The following CNGA1 variants were observed in gnomAD, a reference collection of about 807,000 sequenced individuals.
The protein encoded by CNGA1 is cyclic nucleotide gated channel subunit alpha 1.
CNGA1 carries 53 observed loss-of-function variants against 69.7 expected under a neutral mutation model. That is an observed-to-expected ratio of 0.76 (90% confidence interval 0.61 to 0.96). The LOEUF is 0.96. Among genes scored for constraint, CNGA1 ranks in the 40% least tolerant of loss-of-function variants. The pLI is 0.00. For missense variants in CNGA1, 739 were observed against 811.2 expected, an observed-to-expected ratio of 0.91 and a Z score of 1.08; for synonymous variants, 249 against 283.5, an observed-to-expected ratio of 0.88 and a Z score of 1.22.
chr4:48,016,518 T>A lies in CNGA1; in HGVS notation c.-258A>T, dbSNP rs1715390230. ...TCCACGCTCCGAGAGACGCTGTTGCTCTATGAGGCGTGTCTGTGTTTCTCT... is the reference window on the plus strand; with the variant it reads ...TCCACGCTCCGAGAGACGCTGTTGCACTATGAGGCGTGTCTGTGTTTCTCT... On this transcript the variant is annotated 5_prime_UTR_variant, in exon 1 of 11. Coordinates refer to ENST00000514170, the MANE Select transcript of CNGA1 (RefSeq NM_001379270.1). 2.4e-6 allele frequency: 1 copy of A among 415,760 alleles called. No individual in the cohort carries two copies. The highest frequency in any genetic ancestry group is 4.3e-6 in the Non-Finnish European group (1 of 234,328). The allele number at this position is 415,760 out of a possible 1,614,324, so 25.8% of individuals were successfully genotyped here. A position where few individuals can be genotyped will look rare whatever the true frequency, so the allele number is the denominator to read the frequency against.
Position 47,980,501 on chromosome 4 carries a change from G to T in CNGA1, c.-15+892C>A, listed in dbSNP as rs549210496. On this transcript the variant is annotated intron_variant, in intron 3 of 10. Coordinates refer to ENST00000514170, the MANE Select transcript of CNGA1 (RefSeq NM_001379270.1). ...TTTTTTTTTTTTTTTTTGATACAGCGTCTCTCTCTTTCACTCAGGCTGGAG... is the reference window on the plus strand; with the variant it reads ...TTTTTTTTTTTTTTTTTGATACAGCTTCTCTCTCTTTCACTCAGGCTGGAG... 2.6e-4 allele frequency among the ~76,000 whole-genome samples: 33 copies of T among 126,784 alleles called. No individual in the cohort carries two copies. The East Asian group carries it at 3.0e-3, about 11-fold the overall frequency. 83.2% of individuals were successfully genotyped at this position (126,784 alleles called of 152,430 possible).
rs573826909 is a variant in CNGA1, at chr4:48,016,491, G to T, written c.-231C>A. 6.4e-4 allele frequency: 220 copies of T among 344,708 alleles called. 3 individuals carry two copies. The South Asian group carries it at 0.01, about 16-fold the overall frequency. The allele number at this position is 344,708 out of a possible 1,614,324, so 21.4% of individuals were successfully genotyped here. On this transcript the variant is annotated 5_prime_UTR_variant, in exon 1 of 11. Coordinates refer to ENST00000514170, the MANE Select transcript of CNGA1 (RefSeq NM_001379270.1). The stretch of plus-strand genomic sequence containing the variant: ...TCAATTCCCGGAGTTACCTTGGCGG[G>T]CTCCACGCTCCGAGAGACGCTGTTG...
At chr4:47,946,669 T>C (rs1291836214) in intron 6 of CNGA1, among the ~76,000 whole-genome samples, 29 of 152,246 alleles carry the variant, frequency 1.9e-4, no homozygotes, top group Admixed American at 1.9e-3. Flanking sequence ...CAATTCATAA[T>C]GTATCAATCC....
chr4:48,001,827 T>A (rs1356113041), intron 2 of CNGA1, among the ~76,000 whole-genome samples: 2 of 152,110 alleles, frequency 1.3e-5, no homozygotes, highest in African/African-American at 4.8e-5. Flanking sequence ...ACTATTATTG[T>A]TCAGAATATG....
chr4:47,950,497 A>T (rs1739674830), intron 5 of CNGA1, among the ~76,000 whole-genome samples: 1 of 152,198 alleles, frequency 6.6e-6, no homozygotes, highest in African/African-American at 2.4e-5. Flanking sequence ...TAGTAAATGC[A>T]TATCAGTCAA....
At chr4:47,974,705 C>G (rs572392168) in intron 3 of CNGA1, among the ~76,000 whole-genome samples, 4 of 123,712 alleles carry the variant, frequency 3.2e-5, no homozygotes, top group Non-Finnish European at 7.0e-5. Flanking sequence ...AATTGCAGAA[C>G]TAAGTTTTTT....
At chr4:47,977,219 G>T (rs906446830) in intron 3 of CNGA1, among the ~76,000 whole-genome samples, 8 of 152,142 alleles carry the variant, frequency 5.3e-5, no homozygotes, top group African/African-American at 1.9e-4. Context: ...AGGCCATTAG[G>T]CTGGACCCAA....
At chr4:47,979,320 C>CA (rs10572642) in intron 3 of CNGA1, among the ~76,000 whole-genome samples, 21,364 of 116,980 alleles carry the variant, frequency 0.18, 2,174 homozygotes, top group East Asian at 0.34. Context: ...CACTCCATCT[C>CA]AAAAAAAAAA....
chr4:47,973,913 C>T (rs1214435903), intron 3 of CNGA1, among the ~76,000 whole-genome samples: 1 of 151,870 alleles, frequency 6.6e-6, no homozygotes. Flanking sequence ...CAAATTGTGG[C>T]CGGGTGTGGT....
At chr4:48,010,525 C>G (rs1049630826) in intron 2 of CNGA1, among the ~76,000 whole-genome samples, 1 of 152,126 alleles carries the variant, frequency 6.6e-6, no homozygotes, top group Non-Finnish European at 1.5e-5. Flanking sequence ...GGTGGTGGGT[C>G]GCTTCCAAGA....
intron 2 of CNGA1, among the ~76,000 whole-genome samples, chr4:47,995,190 T>C (rs1742430727): frequency 9.6e-6 from 1 of 104,170 alleles, no homozygotes; most frequent in Non-Finnish European, 2.5e-5. Flanking sequence ...TTCCTAGGTG[T>C]TCTTTGTGCT....
At chr4:48,000,311 A>C (rs1714610238) in intron 2 of CNGA1, among the ~76,000 whole-genome samples, 1 of 152,216 alleles carries the variant, frequency 6.6e-6, no homozygotes, top group South Asian at 2.1e-4. Flanking sequence ...ATGAACCCCA[A>C]GCAGAATAAA....
chr4:48,001,919 A>G (rs544429495), intron 2 of CNGA1, among the ~76,000 whole-genome samples: 5 of 152,238 alleles, frequency 3.3e-5, no homozygotes, highest in African/African-American at 1.2e-4. Flanking sequence ...GAAATCAAGG[A>G]ACACATTCCT....
At chr4:47,952,030 G>A (rs1045132313) in intron 4 of CNGA1, among the ~76,000 whole-genome samples, 1 of 152,136 alleles carries the variant, frequency 6.6e-6, no homozygotes, top group Admixed American at 6.5e-5. Flanking sequence ...GTTTGGCATA[G>A]GTGCTTAATA....
chr4:47,987,690 G>A (rs1024570678), intron 2 of CNGA1, among the ~76,000 whole-genome samples: 1 of 152,136 alleles, frequency 6.6e-6, no homozygotes, highest in African/African-American at 2.4e-5. Context: ...TAAGCACTCA[G>A]ATGTTGATTA....
At chr4:47,999,876 C>CTAA (rs966324193) in intron 2 of CNGA1, among the ~76,000 whole-genome samples, 4 of 151,766 alleles carry the variant, frequency 2.6e-5, no homozygotes, top group Admixed American at 1.3e-4. Context: ...CATTTCAAAA[C>CTAA]TAATAATAAT....
chr4:47,997,810 A>G (rs1714455545), intron 2 of CNGA1, among the ~76,000 whole-genome samples: 1 of 152,218 alleles, frequency 6.6e-6, no homozygotes, highest in African/African-American at 2.4e-5. Flanking sequence ...TTTAAATATT[A>G]TATTCAAACA....
intron 3 of CNGA1, among the ~76,000 whole-genome samples, chr4:47,976,662 C>T (rs186095295): frequency 3.9e-4 from 60 of 152,104 alleles, no homozygotes; most frequent in African/African-American, 1.4e-3. Context: ...GAAAAGGGTA[C>T]ATTTAAAGTT....
intron 2 of CNGA1, among the ~76,000 whole-genome samples, chr4:47,987,548 A>C (rs764291715): frequency 1.3e-5 from 2 of 152,182 alleles, no homozygotes; most frequent in African/African-American, 2.4e-5. Flanking sequence ...TCATTCAACA[A>C]ATATGTAAAT....
Sources: gnomAD v4.1 joint callset for allele counts (sites outside exome capture counted in the v4.1 genomes callset) on GRCh38, gnomAD v4.1.1 for gene constraint, MANE v1.5 for transcripts, NCBI Gene and HGNC (gene_info 2026-07-23, HGNC 2026-07-21) for gene names.